The following NFKB2 variants were observed in gnomAD, a reference collection of about 807,000 sequenced individuals.
The protein encoded by NFKB2 is nuclear factor kappa B subunit 2, also known as nuclear factor NF-kappa-B p100 subunit.
In NFKB2, 21 loss-of-function variants were observed where a neutral mutation model predicts 109.3. The ratio of observed to expected loss-of-function variants is 0.19; its 90% CI spans 0.14 to 0.28. The LOEUF is 0.28. Among genes scored for constraint, NFKB2 ranks in the 10% least tolerant of loss-of-function variants. NFKB2 has a pLI of 1.00. For missense variants in NFKB2, 806 were observed against 1,185.3 expected (o/e 0.68, Z 4.70); for synonymous variants, 478 against 489.9 (o/e 0.98, Z 0.32).
chr10:102,399,379 C>T lies in NFKB2; in HGVS notation c.1209C>T (p.Gly403=). The T allele has an allele frequency of 1.3e-6, 2 of 1,543,718 alleles. No homozygotes were observed. The highest frequency in any genetic ancestry group is 1.7e-6 in the Non-Finnish European group (2 of 1,145,194). Reference sequence around the variant, plus strand: ...TGGGCTGCTACCCGGGAGGCGGGGGCGGGGCGCAGATGGCCGCCACGGTGC... The same window carrying T: ...TGGGCTGCTACCCGGGAGGCGGGGGTGGGGCGCAGATGGCCGCCACGGTGC... ...GPMGCYPGGG[G]GAQMAATVPS... The change falls in exon 13 of 23, where the codon GGC becomes GGT. Residue 403 remains glycine, a synonymous_variant. Transcript: ENST00000661543.
chr10:102,399,203 G>A (rs2061171575), intron 12 of NFKB2, 85 bp from the exon 13 acceptor site: 9 of 1,317,242 alleles, frequency 6.8e-6, no homozygotes, highest in African/African-American at 1.5e-5. Context: ...CAATAAGAGC[G>A]AAACTCCGTC....
In NFKB2 at chr10:102,400,747, C is replaced by T. The variant is rs1055944511; in HGVS notation, c.1891C>T (p.Arg631Trp). Reference protein sequence around the residue: ...DSGAEVEATERQGGRTALHLA... With the variant: ...DSGAEVEATEWQGGRTALHLA... The stretch of plus-strand genomic sequence containing the variant: ...TGGGGCTGAAGTGGAGGCCACAGAG[C>T]GGCAGGGGGGACGAACAGCCTTGCA... The change falls in exon 17 of 23, where the codon CGG (arginine) becomes TGG (tryptophan). Residue 631 changes from arginine to tryptophan, a missense_variant. Arg to Trp is a moderately radical substitution (Grantham distance 101). Transcript: ENST00000661543. The surrounding 1 kb of genome is among the most constrained non-coding windows in gnomAD (Gnocchi z 6.3). 14 of 1,613,198 alleles carry T rather than the reference C, an allele frequency of 8.7e-6. No individual in the cohort carries two copies. The highest frequency in any genetic ancestry group is 2.2e-5 in the East Asian group (1 of 44,886).
At chr10:102,395,829 T>TCCC in intron 1 of NFKB2, 33 bp downstream of exon 1, 3 of 42,796 alleles carry the variant, frequency 7.0e-5, no homozygotes, top group Non-Finnish European at 1.4e-4. Flanking sequence ...GGCCCCCATC[T>TCCC]CCCGCCCACC....
Position 102,401,084 on chromosome 10 carries a change from G to T in NFKB2, c.2071+35G>T, listed in dbSNP as rs772195050. On this transcript the variant is annotated intron_variant, in intron 18 of 22. Coordinates refer to ENST00000661543, the MANE Select transcript of NFKB2 (RefSeq NM_001322934.2). The surrounding 1 kb of genome is among the most constrained non-coding windows in gnomAD (Gnocchi z 4.2). ...ACCCTCAGGGGCACTTGAACAGGGT[G>T]GGGGGAAGGGAGAGAGGTGCCTCCC... The T allele has an allele frequency of 8.1e-6, 13 of 1,613,146 alleles. No individual in the cohort carries two copies. Among genetic ancestry groups the T allele is most frequent in the East Asian group, 6.7e-5 (3 of 44,868 alleles).
Position 102,401,256 on chromosome 10 carries a change from C to T in NFKB2, c.2148C>T (p.Asp716=), listed in dbSNP as rs367660052. ...CCCCTACCTCTGATAGCGACTCGGA[C>T]TCTGAAGGGCCTGAGAAGGACACCC... The part of the protein sequence containing the change: ...PSPPTSDSDS[D]SEGPEKDTRS... Residue 716 remains aspartate, a synonymous_variant, in exon 19 of 23, where the codon GAC becomes GAT. Transcript: ENST00000661543. This position sits in a 1 kb window ranked among gnomAD's most constrained non-coding sequence, Gnocchi z 4.2. The T allele has an allele frequency of 1.4e-5, 23 of 1,611,866 alleles. No individual in the cohort carries two copies. The highest frequency in any genetic ancestry group is 5.0e-5 in the Admixed American group (3 of 59,744).
In NFKB2 at chr10:102,398,376, AC is replaced by A; in HGVS notation, c.853-3del. On this transcript the variant is annotated splice_polypyrimidine_tract_variant and splice_region_variant and intron_variant, in intron 10 of 22. Transcript: ENST00000661543. This position sits in a 1 kb window ranked among gnomAD's most constrained non-coding sequence, Gnocchi z 6.6. Reference sequence around the variant, plus strand: ...TCACTGACACCCTGTGTCTCCCTGCACCCCCCAGTATGCCATTGTGTTCCGG... The same window carrying A: ...TCACTGACACCCTGTGTCTCCCTGCACCCCCAGTATGCCATTGTGTTCCGG... 3 of 1,613,130 alleles carry A rather than the reference AC, an allele frequency of 1.9e-6. No individual in the cohort carries two copies. The highest frequency in any genetic ancestry group is 2.5e-6 in the Non-Finnish European group (3 of 1,179,730).
chr10:102,402,168 G>A lies in NFKB2; in HGVS notation c.2578+9G>A, dbSNP rs1211888504. 1.9e-6 allele frequency: 3 copies of A among 1,563,360 alleles called. No individual in the cohort carries two copies. In the Middle Eastern group the frequency reaches 5.0e-4, roughly 260 times the overall value. ...CAAGCTGCCCAGCACAGGTAAAGGG[G>A]CCTCCCTGGAAGGTGGATCTGGACC... is the stretch of plus-strand genomic sequence containing the variant. On this transcript the variant is annotated intron_variant, in intron 22 of 22. Transcript: ENST00000661543.
chr10:102,399,564 C>T lies in NFKB2; in HGVS notation c.1328-13C>T, dbSNP rs767309127. Reference sequence around the variant, plus strand: ...AGGACCTAGCCCTGACCCACGCCCTCTGTGGCCCGTAGCTCGAGAGTACAA... The same window carrying T: ...AGGACCTAGCCCTGACCCACGCCCTTTGTGGCCCGTAGCTCGAGAGTACAA... On this transcript the variant is annotated splice_polypyrimidine_tract_variant and intron_variant, in intron 13 of 22. Coordinates refer to ENST00000661543, the MANE Select transcript of NFKB2 (RefSeq NM_001322934.2). 2 of 1,548,716 alleles carry T rather than the reference C, an allele frequency of 1.3e-6. No individual in the cohort carries two copies. Among genetic ancestry groups the T allele is most frequent in the Admixed American group, 3.9e-5 (2 of 51,170 alleles).
chr10:102,402,474 G>A lies in NFKB2; in HGVS notation c.*98G>A, dbSNP rs1200962659. On this transcript the variant is annotated 3_prime_UTR_variant, in exon 23 of 23. Transcript: ENST00000661543. ...CACCCCACACCCACCCCTCAGTTGG[G>A]ACAAATAAAGGATTCTCATGGGAAG... 5.9e-6 allele frequency: 4 copies of A among 676,282 alleles called. No individual in the cohort carries two copies. Among genetic ancestry groups the A allele is most frequent in the Non-Finnish European group, 7.3e-6 (3 of 410,870 alleles). 41.9% of individuals were successfully genotyped at this position (676,282 alleles called of 1,614,324 possible).
chr10:102,397,215 T>G lies in NFKB2; in HGVS notation c.396-87T>G. The G allele has an allele frequency of 1.3e-6, 2 of 1,542,234 alleles. No homozygotes were observed. The highest frequency in any genetic ancestry group is 1.8e-6 in the Non-Finnish European group (2 of 1,123,880). ...AACTCCAATGGCTTCCTTGAGGAAG[T>G]AAGGCTGAGCTGAGCCCTGGCAATG... On this transcript the variant is annotated intron_variant, in intron 6 of 22. Transcript: ENST00000661543. This position sits in a 1 kb window ranked among gnomAD's most constrained non-coding sequence, Gnocchi z 4.7.
chr10:102,395,765 AC>A lies in NFKB2; in HGVS notation c.-101del. On this transcript the variant is annotated 5_prime_UTR_variant, in exon 1 of 23. Coordinates refer to ENST00000661543, the MANE Select transcript of NFKB2 (RefSeq NM_001322934.2). ...CGGATCTCGCTCTCCACCGGATCTC[AC>A]CCGCCACACCCGGACAGGCGGCTGG... 1 of 619,570 alleles carries A rather than the reference AC, an allele frequency of 1.6e-6. No homozygotes were observed. Among genetic ancestry groups the A allele is most frequent in the Non-Finnish European group, 2.9e-6 (1 of 350,760 alleles). 38.4% of individuals were successfully genotyped at this position (619,570 alleles called of 1,614,324 possible).
rs201550645 is a variant in NFKB2 at position 102,401,177 on chromosome 10, C to T, written c.2072-3C>T. 1.5e-3 allele frequency: 2,435 copies of T among 1,590,482 alleles called. 3 individuals carry two copies. The highest frequency in any genetic ancestry group is 6.0e-3 in the Middle Eastern group (36 of 5,952). On this transcript the variant is annotated splice_polypyrimidine_tract_variant and splice_region_variant and intron_variant, in intron 18 of 22. Coordinates refer to ENST00000661543, the MANE Select transcript of NFKB2 (RefSeq NM_001322934.2). The surrounding 1 kb of genome is among the most constrained non-coding windows in gnomAD (Gnocchi z 4.2). Reference sequence around the variant, plus strand: ...CCGCCCCATGACGGCCTCCCTCTCCCAGGTGCTGACATCCATGCTGAAAAC... The same window carrying T: ...CCGCCCCATGACGGCCTCCCTCTCCTAGGTGCTGACATCCATGCTGAAAAC...
Position 102,400,832 on chromosome 10 carries a change from T to C in NFKB2, c.1968+8T>C, listed in dbSNP as rs1197758942. On this transcript the variant is annotated splice_region_variant and intron_variant, in intron 17 of 22. Transcript: ENST00000661543. The surrounding 1 kb of genome is among the most constrained non-coding windows in gnomAD (Gnocchi z 6.3). ...ACCCATCTGGTCACCAAGGTGGGAC[T>C]GAGGATTGTGGAAGGAGTGGGGCCA... is the stretch of plus-strand genomic sequence containing the variant. The C allele has an allele frequency of 1.8e-5, 28 of 1,581,682 alleles. No individual in the cohort carries two copies. The highest frequency in any genetic ancestry group is 2.4e-5 in the Non-Finnish European group (28 of 1,162,742).
intron 14 of NFKB2, 56 bp downstream of exon 14, chr10:102,399,774 G>A (rs1034357132): frequency 3.5e-6 from 5 of 1,437,016 alleles, no homozygotes; most frequent in Non-Finnish European, 1.8e-6. Flanking sequence ...GAAAGGGACC[G>A]GCACGGAGGC....
rs1175473569 is a variant in NFKB2 at position 102,400,435 on chromosome 10, T to A, written c.1742T>A (p.Leu581Gln). Residue 581 changes from leucine (L) to glutamine (Q), a missense_variant, in exon 16 of 23, where the codon CTG becomes CAG. Around this residue, in one of 10 missense-constraint regions of NFKB2, gnomAD observed 163 missense variants for 207.1 expected, o/e 0.79. Coordinates refer to ENST00000661543, the MANE Select transcript of NFKB2 (RefSeq NM_001322934.2). The surrounding 1 kb of genome is among the most constrained non-coding windows in gnomAD (Gnocchi z 6.3). ...GAGAPELLRA[L>Q]LQSGAPAVPQ... Reference sequence around the variant, plus strand: ...GGTGCTCCTGAGCTGCTGCGTGCACTGCTTCAGAGTGGAGCTCCTGCTGTG... The same window carrying A: ...GGTGCTCCTGAGCTGCTGCGTGCACAGCTTCAGAGTGGAGCTCCTGCTGTG... 1 of 1,612,748 alleles carries A rather than the reference T, an allele frequency of 6.2e-7. No individual in the cohort carries two copies. The highest frequency in any genetic ancestry group is 1.7e-5 in the Admixed American group (1 of 59,996).
rs1489063735 is a variant in NFKB2, at chr10:102,402,243, T to C, written c.2579-9T>C. 1 of 1,551,298 alleles carries C rather than the reference T, an allele frequency of 6.4e-7. No homozygotes were observed. On this transcript the variant is annotated splice_polypyrimidine_tract_variant and intron_variant, in intron 22 of 22. Coordinates refer to ENST00000661543, the MANE Select transcript of NFKB2 (RefSeq NM_001322934.2). ...TGACTATCCCATTCCTGTCCCCATT[T>C]ACCCCCAGCAGAGGTGAAGGAAGAC...
intron 14 of NFKB2, 64 bp downstream of exon 14, chr10:102,399,782 G>C: frequency 7.0e-7 from 1 of 1,436,080 alleles, no homozygotes; most frequent in East Asian, 2.5e-5. Context: ...CCGGCACGGA[G>C]GCGGGCTCTG....
chr10:102,398,377 C>T lies in NFKB2; in HGVS notation c.853-8C>T. 1 of 1,613,790 alleles carries T rather than the reference C, an allele frequency of 6.2e-7. No homozygotes were observed. Among genetic ancestry groups the T allele is most frequent in the Non-Finnish European group, 8.5e-7 (1 of 1,179,820 alleles). On this transcript the variant is annotated splice_polypyrimidine_tract_variant and splice_region_variant and intron_variant, in intron 10 of 22. Transcript: ENST00000661543. The surrounding 1 kb of genome is among the most constrained non-coding windows in gnomAD (Gnocchi z 6.6). Reference sequence around the variant, plus strand: ...CACTGACACCCTGTGTCTCCCTGCACCCCCCAGTATGCCATTGTGTTCCGG... The same window carrying T: ...CACTGACACCCTGTGTCTCCCTGCATCCCCCAGTATGCCATTGTGTTCCGG...
chr10:102,395,673 T>C (rs45502493), upstream of NFKB2: 734 of 488,464 alleles, frequency 1.5e-3, 7 homozygotes, highest in African/African-American at 1.0e-2. Flanking sequence ...CCGCCTCCCC[T>C]TGGTATTTTC....
Sources: allele counts gnomAD v4.1 joint callset, GRCh38; gene constraint gnomAD v4.1.1; regional missense constraint gnomAD v4.1.1; non-coding constraint Gnocchi (gnomAD v3.1); transcripts MANE v1.5; gene names NCBI Gene and HGNC (gene_info 2026-07-23, HGNC 2026-07-21).